LAMC1: variants seen among roughly 807,000 people sequenced by gnomAD.
LAMC1 encodes laminin subunit gamma-1.
LAMC1 carries 38 observed loss-of-function variants against 173.6 expected under a neutral mutation model. The ratio of observed to expected loss-of-function variants is 0.22; its 90% confidence interval spans 0.17 to 0.29. The LOEUF is 0.29. Ranked by LOEUF, LAMC1 falls within the 10% of genes least tolerant of loss-of-function variation. LAMC1 has a pLI of 1.00. For missense variants in LAMC1, 1,824 were observed against 2,051.8 expected (o/e 0.89, Z 2.14); for synonymous variants, 746 against 749.1 (o/e 1.00, Z 0.07).
chr1:183,084,860 A>C (rs1655384541), intron 1 of LAMC1, among the ~76,000 whole-genome samples: 1 of 152,228 alleles, frequency 6.6e-6, no homozygotes, highest in African/African-American at 2.4e-5. Context: ...CCCTGAAAGA[A>C]AATGTAGTTG....
chr1:183,108,479 A>C lies in LAMC1; in HGVS notation c.854+73A>C. Reference sequence around the variant, plus strand: ...TAGAGGTGAATCTAGCAACTTGTTTACAACTATGTTAATACCGTTGTTAGA... The same window carrying C: ...TAGAGGTGAATCTAGCAACTTGTTTCCAACTATGTTAATACCGTTGTTAGA... On this transcript the variant is annotated intron_variant, in intron 3 of 27. Transcript: ENST00000258341. 7 of 1,396,204 alleles carry C rather than the reference A, an allele frequency of 5.0e-6. No individual in the cohort carries two copies. The South Asian group carries it at 8.6e-5, about 17-fold the overall frequency. The allele number at this position is 1,396,204 out of a possible 1,614,324, so 86.5% of individuals were successfully genotyped here.
At chr1:183,116,244 C>G (rs773458418) in intron 6 of LAMC1, among the ~76,000 whole-genome samples, 2 of 152,046 alleles carry the variant, frequency 1.3e-5, no homozygotes, top group African/African-American at 2.4e-5. Flanking sequence ...TTTGGGAAGC[C>G]GAGGCAGGCG....
At chr1:183,107,184 A>G (rs932136238) in intron 2 of LAMC1, among the ~76,000 whole-genome samples, 8 of 152,236 alleles carry the variant, frequency 5.3e-5, no homozygotes, top group Non-Finnish European at 7.3e-5. Flanking sequence ...TTCACTTAGC[A>G]AATAATAGTT....
At chr1:183,139,920 C>G (rs1341722664) in intron 26 of LAMC1, among the ~76,000 whole-genome samples, 1 of 152,042 alleles carries the variant, frequency 6.6e-6, no homozygotes, top group East Asian at 1.9e-4. Context: ...CAGAAGAGAA[C>G]TCCTAGAAGA....
At chr1:183,110,027 TAAAG>T (rs1656099212) in intron 3 of LAMC1, among the ~76,000 whole-genome samples, 1 of 152,206 alleles carries the variant, frequency 6.6e-6, no homozygotes, top group Admixed American at 6.5e-5. Flanking sequence ...AGCACATAAA[TAAAG>T]CACTCCTTGA....
intron 21 of LAMC1, among the ~76,000 whole-genome samples, chr1:183,133,109 C>T (rs1179650316): frequency 6.6e-6 from 1 of 152,108 alleles, no homozygotes; most frequent in Non-Finnish European, 1.5e-5. Flanking sequence ...CGGGGTTTCA[C>T]TATGTTGGCC....
chr1:183,040,678 C>T (rs1203622715), intron 1 of LAMC1, among the ~76,000 whole-genome samples: 1 of 152,206 alleles, frequency 6.6e-6, no homozygotes, highest in East Asian at 1.9e-4. Context: ...GAAGGTAACC[C>T]TGAGGCTGTA....
In LAMC1 at chr1:183,143,905, T is replaced by A. The variant is rs1657185496; in HGVS notation, c.*1115T>A. On this transcript the variant is annotated 3_prime_UTR_variant, in exon 28 of 28. Transcript: ENST00000258341. ...CTTCTGATGTTTCCATCTTCCAGAATCCCTCAAAAAACATTGTTTGCCAAA... is the reference window on the plus strand; with the variant it reads ...CTTCTGATGTTTCCATCTTCCAGAAACCCTCAAAAAACATTGTTTGCCAAA... 1 of 152,196 alleles carries A rather than the reference T, an allele frequency of 6.6e-6. No homozygotes were observed. Among genetic ancestry groups the A allele is most frequent in the Non-Finnish European group, 1.5e-5 (1 of 68,034 alleles). 9.4% of individuals were successfully genotyped at this position (152,196 alleles called of 1,614,324 possible). A position where few individuals can be genotyped will look rare whatever the true frequency, so the allele number is the denominator to read the frequency against.
chr1:183,073,224 T>C (rs1014545429), intron 1 of LAMC1, among the ~76,000 whole-genome samples: 3 of 152,214 alleles, frequency 2.0e-5, no homozygotes, highest in African/African-American at 7.2e-5. Context: ...TCTCTGGTGA[T>C]ATTCAGCTAG....
intron 26 of LAMC1, chr1:183,138,634 G>A (rs1007882313): frequency 3.3e-5 from 5 of 152,208 alleles, no homozygotes; most frequent in Middle Eastern, 3.4e-3. Flanking sequence ...AAAACTCTAG[G>A]GAAGTGATAA....
chr1:183,142,827 G>C lies in LAMC1; in HGVS notation c.*37G>C. On this transcript the variant is annotated 3_prime_UTR_variant, in exon 28 of 28. Coordinates refer to ENST00000258341, the MANE Select transcript of LAMC1 (RefSeq NM_002293.4). ...CTGGAAGGCAGCATCCCTCTGACAGGGGGGCAGTTGTGAGGCCACAGAGTG... is the reference window on the plus strand; with the variant it reads ...CTGGAAGGCAGCATCCCTCTGACAGCGGGGCAGTTGTGAGGCCACAGAGTG... 1 of 1,564,316 alleles carries C rather than the reference G, an allele frequency of 6.4e-7. No individual in the cohort carries two copies. Among genetic ancestry groups the C allele is most frequent in the African/African-American group, 1.4e-5 (1 of 73,380 alleles).
intron 1 of LAMC1, among the ~76,000 whole-genome samples, chr1:183,062,673 C>T (rs1432416791): frequency 4.0e-5 from 6 of 151,888 alleles, no homozygotes; most frequent in African/African-American, 9.7e-5. Flanking sequence ...ATTTACTGGC[C>T]GGGTGCAGTG....
chr1:183,028,519 C>T lies in LAMC1; in HGVS notation c.418+4385C>T, dbSNP rs541062251. Among the ~76,000 whole-genome samples, 271 of 152,284 alleles carry T rather than the reference C, an allele frequency of 1.8e-3. 1 individual carries two copies. Among genetic ancestry groups the T allele is most frequent in the South Asian group, 0.014 (67 of 4,818 alleles). On this transcript the variant is annotated intron_variant, in intron 1 of 27. Transcript: ENST00000258341. ...TTATCACTGATGAGATTTCTCACAA[C>T]GCAAGGAAGGCAAAGATGCCTAAGG...
intron 1 of LAMC1, among the ~76,000 whole-genome samples, chr1:183,036,632 C>A (rs1210537303): frequency 6.6e-6 from 1 of 151,976 alleles, no homozygotes; most frequent in African/African-American, 2.4e-5. Context: ...CTCAAGTGAT[C>A]CGCCCGCCTC....
chr1:183,072,808 C>G (rs1436920343), intron 1 of LAMC1, among the ~76,000 whole-genome samples: 2 of 152,126 alleles, frequency 1.3e-5, no homozygotes, highest in Non-Finnish European at 2.9e-5. Flanking sequence ...GAGCATGAAC[C>G]CTGTTGTGAA....
intron 1 of LAMC1, among the ~76,000 whole-genome samples, chr1:183,055,680 C>T (rs543793322): frequency 3.3e-5 from 5 of 152,022 alleles, no homozygotes; most frequent in South Asian, 2.1e-4. Flanking sequence ...GGCATGGTGT[C>T]GTGCACCTGT....
chr1:183,125,249 C>A, intron 14 of LAMC1, 148 bp from the exon 15 acceptor site: 1 of 750,510 alleles, frequency 1.3e-6, no homozygotes, highest in Non-Finnish European at 2.2e-6. Context: ...TCAGACTCAC[C>A]AGCCACATTT....
chr1:183,134,913 T>C, intron 23 of LAMC1, 104 bp downstream of exon 23: 1 of 1,371,794 alleles, frequency 7.3e-7, no homozygotes, highest in Non-Finnish European at 1.0e-6. Context: ...ACCCCAGTGC[T>C]GAGAGAGCAG....
At chr1:183,052,176 GGCTA>G (rs1405397532) in intron 1 of LAMC1, among the ~76,000 whole-genome samples, 1 of 151,848 alleles carries the variant, frequency 6.6e-6, no homozygotes, top group Non-Finnish European at 1.5e-5. Flanking sequence ...TGCATGTGTT[GGCTA>G]GCTACCTATC....
Sources: allele counts gnomAD v4.1 joint callset (sites outside exome capture counted in the v4.1 genomes callset), GRCh38; gene constraint gnomAD v4.1.1; transcripts MANE v1.5; gene names NCBI Gene and HGNC (gene_info 2026-07-23, HGNC 2026-07-21).